The following DENND4C variants were observed in gnomAD, a reference collection of about 807,000 sequenced individuals.
The protein encoded by DENND4C is DENN domain-containing protein 4C.
A neutral mutation model predicts 203.0 loss-of-function variants in DENND4C; 108 were observed. The ratio of observed to expected loss-of-function variants is 0.53; its 90% CI spans 0.46 to 0.62. DENND4C has a LOEUF of 0.62. Among genes scored for constraint, DENND4C ranks in the 20% least tolerant of loss-of-function variants. The pLI is 0.00. For synonymous variants in DENND4C, 871 were observed against 792.4 expected, an observed-to-expected ratio of 1.10 and a Z score of -1.67; for missense variants, 2,481 against 2,301.2, an observed-to-expected ratio of 1.08 and a Z score of -1.60.
At chr9:19,359,769 T>C (rs1164815354) in intron 28 of DENND4C, among the ~76,000 whole-genome samples, 2 of 152,198 alleles carry the variant, frequency 1.3e-5, no homozygotes, top group East Asian at 3.8e-4. Context: ...TTTATTTGAA[T>C]TATAAAAATG....
intron 12 of DENND4C, among the ~76,000 whole-genome samples, chr9:19,317,404 C>G (rs1842037875): frequency 1.3e-5 from 2 of 151,894 alleles, no homozygotes; most frequent in South Asian, 4.1e-4. Context: ...TAACTTTGTT[C>G]CAGGGAAAAA....
intron 1 of DENND4C, among the ~76,000 whole-genome samples, chr9:19,266,261 G>C (rs1564100975): frequency 6.6e-6 from 1 of 152,110 alleles, no homozygotes; most frequent in African/African-American, 2.4e-5. Flanking sequence ...ATCTTCTTTT[G>C]AGAGGTATTT....
At chr9:19,289,106 T>G (rs1441924343) in intron 4 of DENND4C, among the ~76,000 whole-genome samples, 1 of 152,230 alleles carries the variant, frequency 6.6e-6, no homozygotes, top group Non-Finnish European at 1.5e-5. Flanking sequence ...CTTGCTTCCT[T>G]TCTCCTTTGT....
chr9:19,344,205 A>G (rs1189392889), intron 22 of DENND4C, among the ~76,000 whole-genome samples: 1 of 152,240 alleles, frequency 6.6e-6, no homozygotes, highest in African/African-American at 2.4e-5. Flanking sequence ...TAACAAAACA[A>G]ATGATGTGAC....
chr9:19,296,460 G>A (rs1226656458), intron 6 of DENND4C, among the ~76,000 whole-genome samples: 3 of 151,538 alleles, frequency 2.0e-5, no homozygotes, highest in African/African-American at 7.3e-5. Context: ...CACCTCCTGG[G>A]TTCATGCAGT....
intron 12 of DENND4C, among the ~76,000 whole-genome samples, chr9:19,321,476 T>G (rs118129051): frequency 0.023 from 3,573 of 152,082 alleles, 58 homozygotes; most frequent in Non-Finnish European, 0.036. Flanking sequence ...AAGGTTTTTT[T>G]TTTTGTTTTG....
At chr9:19,311,170 A>G (rs1216341734) in intron 10 of DENND4C, among the ~76,000 whole-genome samples, 2 of 152,020 alleles carry the variant, frequency 1.3e-5, no homozygotes, top group Non-Finnish European at 2.9e-5. Flanking sequence ...CCCACGCTGG[A>G]TGGAGTAGAG....
chr9:19,336,687 TC>T lies in DENND4C; in HGVS notation c.2737del (p.Leu913PhefsTer13), dbSNP rs1395107023. On this transcript the variant is annotated frameshift_variant and splice_region_variant, in exon 20 of 33. Transcript: ENST00000434457. LOFTEE classifies it high-confidence loss of function. Reference protein sequence around the residue: ...QRSQVSSISALQNVTGGSDGD... With the variant: ...QRSQVSSISAXQNVTGGSDGD... The stretch of plus-strand genomic sequence containing the variant: ...AACTGCTATTGTCCTTATCTTTAGC[TC>T]TTCAAAATGTCACAGGTGGAAGTGA... The T allele has an allele frequency of 6.4e-7, 1 of 1,550,680 alleles. No homozygotes were observed. Among genetic ancestry groups the T allele is most frequent in the Non-Finnish European group, 8.7e-7 (1 of 1,146,974 alleles).
At chr9:19,267,994 T>C (rs1193121186) in intron 1 of DENND4C, among the ~76,000 whole-genome samples, 2 of 152,126 alleles carry the variant, frequency 1.3e-5, no homozygotes, top group African/African-American at 4.8e-5. Flanking sequence ...CTGGTCTTCT[T>C]TTCCTTCCTT....
rs1400277687 is a variant in DENND4C at position 19,276,367 on chromosome 9, G to A, written c.193G>A (p.Glu65Lys). Residue 65 changes from glutamate (E) to lysine (K), a missense_variant, in exon 2 of 33, where the codon GAA (glutamate) becomes AAA (lysine). Coordinates refer to ENST00000434457, the MANE Select transcript of DENND4C (RefSeq NM_001330640.2). ...ETVPEGYTCV[E>K]ATPSALQANL... ...AGTACCTGAAGGTTACACCTGTGTA[G>A]AAGCCACTCCATCAGCTCTCCAAGC... 1 of 1,232,104 alleles carries A rather than the reference G, an allele frequency of 8.1e-7. No individual in the cohort carries two copies. The highest frequency in any genetic ancestry group is 1.0e-6 in the Non-Finnish European group (1 of 987,936). 76.3% of individuals were successfully genotyped at this position (1,232,104 alleles called of 1,614,324 possible).
chr9:19,321,116 G>T (rs1842807189), intron 12 of DENND4C, among the ~76,000 whole-genome samples: 2 of 152,316 alleles, frequency 1.3e-5, no homozygotes, highest in South Asian at 4.1e-4. Flanking sequence ...AATAGGATCA[G>T]ATTTGCATTT....
chr9:19,332,426 G>C (rs1464576215), intron 17 of DENND4C, among the ~76,000 whole-genome samples: 1 of 151,696 alleles, frequency 6.6e-6, no homozygotes, highest in Non-Finnish European at 1.5e-5. Context: ...GTGCGTCCTT[G>C]GCTCCCTGCA....
chr9:19,360,815 T>C (rs1826313016), intron 29 of DENND4C, among the ~76,000 whole-genome samples: 1 of 152,218 alleles, frequency 6.6e-6, no homozygotes, highest in African/African-American at 2.4e-5. Flanking sequence ...TCTTAAGGGA[T>C]AGCTCCTGGA....
At chr9:19,293,743 G>T (rs1836844978) in intron 5 of DENND4C, among the ~76,000 whole-genome samples, 1 of 152,200 alleles carries the variant, frequency 6.6e-6, no homozygotes, top group Non-Finnish European at 1.5e-5. Context: ...GCAACAGCAG[G>T]TACTGTGAGG....
At chr9:19,319,585 T>A (rs1375856187) in intron 12 of DENND4C, among the ~76,000 whole-genome samples, 1 of 151,266 alleles carries the variant, frequency 6.6e-6, no homozygotes, top group East Asian at 1.9e-4. Flanking sequence ...AAAATAAGAT[T>A]AGGCTCAGAT....
chr9:19,292,630 C>T (rs1275062801), intron 5 of DENND4C: 1 of 151,356 alleles, frequency 6.6e-6, no homozygotes. Context: ...ACTGCAACCT[C>T]CGCCTCCCGG....
chr9:19,321,938 T>C lies in DENND4C; in HGVS notation c.1808-2424T>C, dbSNP rs1436457752. ...AGTCATGTGATGGTTTGTCCTTAGA[T>C]AGGAGGAGGGACATATCCACTGTAA... On this transcript the variant is annotated intron_variant, in intron 12 of 32. Transcript: ENST00000434457. 2.0e-5 allele frequency among the ~76,000 whole-genome samples: 3 copies of C among 151,282 alleles called. No individual in the cohort carries two copies. In the East Asian group the frequency reaches 5.8e-4, roughly 29 times the overall value.
chr9:19,254,119 T>C (rs1827332236), intron 1 of DENND4C, among the ~76,000 whole-genome samples: 1 of 151,872 alleles, frequency 6.6e-6, no homozygotes, highest in African/African-American at 2.4e-5. Context: ...GAAAGAGAAC[T>C]CTTGTACCCT....
intron 1 of DENND4C, among the ~76,000 whole-genome samples, chr9:19,258,588 A>G (rs779731350): frequency 3.3e-5 from 5 of 152,228 alleles, no homozygotes; most frequent in Non-Finnish European, 7.3e-5. Flanking sequence ...AAGAAAAGCC[A>G]TAATGATCTC....
Sources: allele counts gnomAD v4.1 joint callset (sites outside exome capture counted in the v4.1 genomes callset), GRCh38; gene constraint gnomAD v4.1.1; transcripts MANE v1.5; gene names NCBI Gene and HGNC (gene_info 2026-07-23, HGNC 2026-07-21).